The following CDC42BPA variants were observed in gnomAD, a reference collection of about 807,000 sequenced individuals.
CDC42BPA encodes the protein serine/threonine-protein kinase MRCK alpha.
A neutral mutation model predicts 223.5 loss-of-function variants in CDC42BPA; 80 were observed. That is an observed-to-expected ratio of 0.36 (90% CI 0.30 to 0.43). The LOEUF (loss-of-function observed/expected upper bound fraction) is 0.43. CDC42BPA is among the 20% of genes least tolerant of loss of function. CDC42BPA has a pLI of 1.00. For missense variants in CDC42BPA, 1,743 were observed against 2,099.9 expected (o/e 0.83, Z 3.32); for synonymous variants, 694 against 718.6 (o/e 0.97, Z 0.55).
chr1:227,222,089 C>T (rs1157481099), intron 2 of CDC42BPA, among the ~76,000 whole-genome samples: 2 of 146,144 alleles, frequency 1.4e-5, no homozygotes, highest in African/African-American at 2.5e-5. Flanking sequence ...ATTAATTAGT[C>T]AGGGATAGTG....
intron 6 of CDC42BPA, 35 bp downstream of exon 6, chr1:227,160,508 G>C: frequency 1.6e-6 from 2 of 1,270,846 alleles, no homozygotes; most frequent in Non-Finnish European, 2.3e-6. Flanking sequence ...GGAAATGTCT[G>C]TGAACAAAAT....
rs1572354205 is a variant in CDC42BPA at position 227,029,242 on chromosome 1, T to G, written c.3847A>C (p.Arg1283=). ...TGAATCTTCTTATTGTCACCAACTC[T>G]AATAATTTCTAAACACAGAAAGAAT... ...VVHVTKDEII[R]VGDNKKIHQI... The change falls in exon 30 of 37, where the codon AGA becomes CGA. Residue 1283 remains arginine, a synonymous_variant. Transcript: ENST00000366766. 24 of 1,549,238 alleles carry G rather than the reference T, an allele frequency of 1.5e-5. No homozygotes were observed. In the East Asian group the frequency reaches 5.4e-4, roughly 35 times the overall value.
chr1:227,030,043 G>GA (rs1668971450), intron 29 of CDC42BPA, among the ~76,000 whole-genome samples: 1 of 151,510 alleles, frequency 6.6e-6, no homozygotes, highest in Admixed American at 6.6e-5. Context: ...TGAGGCAGGA[G>GA]AATCTCTTGA....
rs749423341 is a variant in CDC42BPA at position 227,007,059 on chromosome 1, TC to T, written c.4858-1949del. 4.6e-5 allele frequency among the ~76,000 whole-genome samples: 7 copies of T among 152,156 alleles called. No individual in the cohort carries two copies. The East Asian group carries it at 7.7e-4, about 17-fold the overall frequency. The stretch of plus-strand genomic sequence containing the variant: ...TACATGTGTTAAACAATACCTTAAC[TC>T]TATAATGGAAATGCAATGAAAAAAA... On this transcript the variant is annotated intron_variant, in intron 34 of 36. Transcript: ENST00000366766.
rs183334896 is a variant in CDC42BPA, at chr1:227,305,735, G to C, written c.178+11270C>G. On this transcript the variant is annotated intron_variant, in intron 1 of 36. Transcript: ENST00000366766. ...AATCTCAGCACTTTGGGAGGCCAAG[G>C]TGGGTGGATAACCCGAGGTCAGGAG... Among the ~76,000 whole-genome samples, 143 of 152,318 alleles carry C rather than the reference G, an allele frequency of 9.4e-4. 1 individual carries two copies. The highest frequency in any genetic ancestry group is 3.2e-3 in the African/African-American group (131 of 41,576).
chr1:227,056,921 GA>G (rs537260900), intron 21 of CDC42BPA, among the ~76,000 whole-genome samples: 1 of 152,136 alleles, frequency 6.6e-6, no homozygotes, highest in Non-Finnish European at 1.5e-5. Flanking sequence ...CCTAACAAAT[GA>G]CTAAAGGTTG....
chr1:227,059,525 G>A (rs1232338714), intron 21 of CDC42BPA: 2 of 920,600 alleles, frequency 2.2e-6, no homozygotes, highest in African/African-American at 3.3e-5. Flanking sequence ...TAAAGCCACA[G>A]TTTTGGATAG....
At chr1:227,121,730 T>C (rs1419918563) in intron 11 of CDC42BPA, among the ~76,000 whole-genome samples, 2 of 152,176 alleles carry the variant, frequency 1.3e-5, no homozygotes, top group Non-Finnish European at 2.9e-5. Flanking sequence ...AATCAATTTC[T>C]TTCAAACACA....
chr1:227,152,271 T>C (rs974574160), intron 6 of CDC42BPA, among the ~76,000 whole-genome samples: 2 of 152,182 alleles, frequency 1.3e-5, no homozygotes, highest in Admixed American at 6.5e-5. Flanking sequence ...GCCTGTAATT[T>C]TGTGTCATCC....
Position 227,242,586 on chromosome 1 carries a change from G to A in CDC42BPA, c.270+11478C>T, listed in dbSNP as rs1308073335. 4.6e-5 allele frequency among the ~76,000 whole-genome samples: 7 copies of A among 152,064 alleles called. No homozygotes were observed. In the East Asian group the frequency reaches 1.3e-3, roughly 29 times the overall value. On this transcript the variant is annotated intron_variant, in intron 2 of 36. Coordinates refer to ENST00000366766, the MANE Select transcript of CDC42BPA (RefSeq NM_001394014.1). Reference sequence around the variant, plus strand: ...AAGATTAATATTTTTAAAGCCAATTGTATTTCTACCACAGCAAGAAAATAA... The same window carrying A: ...AAGATTAATATTTTTAAAGCCAATTATATTTCTACCACAGCAAGAAAATAA...
intron 1 of CDC42BPA, among the ~76,000 whole-genome samples, chr1:227,294,331 G>C (rs930663673): frequency 1.3e-5 from 2 of 151,766 alleles, no homozygotes; most frequent in East Asian, 3.9e-4. Context: ...GAAATAATAA[G>C]CAGACTTTGA....
At chr1:227,028,080 A>T (rs1668602841) in intron 30 of CDC42BPA, among the ~76,000 whole-genome samples, 1 of 151,200 alleles carries the variant, frequency 6.6e-6, no homozygotes, top group Non-Finnish European at 1.5e-5. Context: ...TGACGATACC[A>T]CTGTACTCTA....
At chr1:227,010,759 T>C (rs970906797) in intron 34 of CDC42BPA, 20 of 348,682 alleles carry the variant, frequency 5.7e-5, no homozygotes, top group East Asian at 5.6e-4. Context: ...AGAAGAGAAA[T>C]AGGCCAAAGG....
At chr1:227,144,610 A>G (rs896456523) in intron 8 of CDC42BPA, among the ~76,000 whole-genome samples, 1 of 148,140 alleles carries the variant, frequency 6.8e-6, no homozygotes, top group African/African-American at 2.5e-5. Flanking sequence ...AAAAAGAGGA[A>G]GGCTAAAAAG....
chr1:227,068,919 G>A (rs1354907829), intron 21 of CDC42BPA: 5 of 167,154 alleles, frequency 3.0e-5, no homozygotes, highest in South Asian at 1.3e-4. Flanking sequence ...CTAAAGGAAC[G>A]AAACACAATT....
rs556446187 is a variant in CDC42BPA, at chr1:227,053,941, G to A, written c.2905-1956C>T. Among the ~76,000 whole-genome samples, 21 of 152,248 alleles carry A rather than the reference G, an allele frequency of 1.4e-4. No homozygotes were observed. The East Asian group carries it at 3.7e-3, about 27-fold the overall frequency. ...AGATTATACACATTGCAAGAATTAG[G>A]TGTCCATGGAGAGGGGCTTTAGTTA... On this transcript the variant is annotated intron_variant, in intron 21 of 36. Transcript: ENST00000366766.
At chr1:227,253,597 A>AAAATAAATAAAT (rs368265961) in intron 2 of CDC42BPA, among the ~76,000 whole-genome samples, 6,720 of 148,040 alleles carry the variant, frequency 0.045, 356 homozygotes, top group East Asian at 0.23. Context: ...CTCCATCTCA[A>AAAATAAATAAAT]AAATAAATAA....
chr1:227,294,289 G>GT (rs1690225967), intron 1 of CDC42BPA, among the ~76,000 whole-genome samples: 1 of 151,520 alleles, frequency 6.6e-6, no homozygotes, highest in Non-Finnish European at 1.5e-5. Flanking sequence ...AAAAAATTTA[G>GT]TATCTAATAA....
intron 22 of CDC42BPA, among the ~76,000 whole-genome samples, chr1:227,049,910 T>C (rs1485183559): frequency 1.3e-5 from 2 of 151,904 alleles, no homozygotes; most frequent in African/African-American, 2.4e-5. Flanking sequence ...TAAAAACTTT[T>C]AGAAGAAAAT....
Sources: gnomAD v4.1 joint callset for allele counts (sites outside exome capture counted in the v4.1 genomes callset) on GRCh38, gnomAD v4.1.1 for gene constraint, MANE v1.5 for transcripts, NCBI Gene and HGNC (gene_info 2026-07-23, HGNC 2026-07-21) for gene names.